ABTB3: variants seen among roughly 807,000 people sequenced by gnomAD.
ABTB3 encodes ankyrin repeat- and BTB/POZ domain-containing protein 3.
the ABTB3 span, among the ~76,000 whole-genome samples, chr12:107,463,165 G>C: frequency 1.3e-5 from 2 of 151,142 alleles, no homozygotes; most frequent in African/African-American, 2.4e-5. Flanking sequence ...CAATGATGAG[G>C]GTGGTGGTGG....
the ABTB3 span, among the ~76,000 whole-genome samples, chr12:107,570,089 C>T: frequency 6.6e-6 from 1 of 152,350 alleles, no homozygotes; most frequent in East Asian, 1.9e-4. Flanking sequence ...ATATAATCTT[C>T]ATGCTGGATG....
the ABTB3 span, among the ~76,000 whole-genome samples, chr12:107,481,454 C>T: frequency 2.0e-5 from 3 of 152,136 alleles, no homozygotes; most frequent in African/African-American, 7.2e-5. Context: ...GAATTTAGGA[C>T]TTGGGTCACT....
chr12:107,481,883 G>GTCTCTCTCTCTCTCTCTCTCTCTC, the ABTB3 span, among the ~76,000 whole-genome samples: 63 of 108,312 alleles, frequency 5.8e-4, no homozygotes, highest in South Asian at 1.6e-3. Context: ...GAAATCAAGA[G>GTCTCTCTCTCTCTCTCTCTCTCTC]TCTCTCTCTC....
chr12:107,569,826 C>G, the ABTB3 span, among the ~76,000 whole-genome samples: 5 of 152,230 alleles, frequency 3.3e-5, no homozygotes, highest in Non-Finnish European at 5.9e-5. Flanking sequence ...GGTTTGGCCA[C>G]TTAAGCAACG....
chr12:107,367,969 C>T, the ABTB3 span, among the ~76,000 whole-genome samples: 1 of 152,170 alleles, frequency 6.6e-6, no homozygotes, highest in African/African-American at 2.4e-5. Context: ...AACGATATTG[C>T]ACAAAGGAGC....
chr12:107,464,709 G>T, the ABTB3 span, among the ~76,000 whole-genome samples: 2 of 152,174 alleles, frequency 1.3e-5, no homozygotes, highest in Non-Finnish European at 1.5e-5. Context: ...CAGGTGCTAA[G>T]ACCCTGAGGT....
chr12:107,370,635 G>A, the ABTB3 span, among the ~76,000 whole-genome samples: 10 of 152,126 alleles, frequency 6.6e-5, no homozygotes, highest in Non-Finnish European at 1.0e-4. Context: ...TGTTGCAGCC[G>A]TGCTCTGGAC....
chr12:107,344,398 C>T, the ABTB3 span, among the ~76,000 whole-genome samples: 2 of 152,196 alleles, frequency 1.3e-5, no homozygotes, highest in Non-Finnish European at 2.9e-5. Flanking sequence ...GGGTTGCCAA[C>T]CAATAGTACT....
At chr12:107,516,393 G>T in the ABTB3 span, among the ~76,000 whole-genome samples, 1 of 151,922 alleles carries the variant, frequency 6.6e-6, no homozygotes, top group Non-Finnish European at 1.5e-5. Context: ...ACCACAGCCA[G>T]CTAATTTTTT....
At chr12:107,617,505 AC>A in the ABTB3 span, 3 of 1,570,268 alleles carry the variant, frequency 1.9e-6, no homozygotes, top group Non-Finnish European at 1.7e-6. Context: ...TCCCAGGCCT[AC>A]CCCAGACCCA....
At chr12:107,372,537 A>C in the ABTB3 span, among the ~76,000 whole-genome samples, 1 of 152,314 alleles carries the variant, frequency 6.6e-6, no homozygotes, top group Non-Finnish European at 1.5e-5. Context: ...AAGGGGGGCC[A>C]TAAGGTGTCC....
the ABTB3 span, among the ~76,000 whole-genome samples, chr12:107,549,571 T>C: frequency 1.3e-5 from 2 of 152,234 alleles, no homozygotes; most frequent in African/African-American, 4.8e-5. Flanking sequence ...TCATGACTGC[T>C]TAAAGCAGGA....
the ABTB3 span, among the ~76,000 whole-genome samples, chr12:107,653,580 C>T: frequency 6.6e-6 from 1 of 151,456 alleles, no homozygotes; most frequent in South Asian, 2.1e-4. Context: ...ACTTGCTTGT[C>T]TTAAGACAGC....
chr12:107,609,045 C>T, the ABTB3 span, among the ~76,000 whole-genome samples: 8 of 151,932 alleles, frequency 5.3e-5, no homozygotes, highest in South Asian at 2.1e-4. Flanking sequence ...ATCTCCCCCA[C>T]GAAGGCTTGC....
chr12:107,534,489 A>G, the ABTB3 span, among the ~76,000 whole-genome samples: 1 of 152,178 alleles, frequency 6.6e-6, no homozygotes, highest in Non-Finnish European at 1.5e-5. Context: ...AAAACAATAC[A>G]AAGGATCAAT....
chr12:107,452,611 G>C, the ABTB3 span, among the ~76,000 whole-genome samples: 2 of 152,116 alleles, frequency 1.3e-5, no homozygotes, highest in Non-Finnish European at 2.9e-5. Context: ...GGGCCAAGGG[G>C]GGTGGATCAC....
At chr12:107,387,511 G>A in the ABTB3 span, among the ~76,000 whole-genome samples, 1 of 152,204 alleles carries the variant, frequency 6.6e-6, no homozygotes, top group African/African-American at 2.4e-5. Flanking sequence ...GTAGATGACT[G>A]TTCAGTGGGG....
chr12:107,440,575 A>G, the ABTB3 span, among the ~76,000 whole-genome samples: 1 of 151,746 alleles, frequency 6.6e-6, no homozygotes, highest in Non-Finnish European at 1.5e-5. Context: ...TTGTTTGTTC[A>G]CGCGTTTTGA....
At chr12:107,486,084 T>A in the ABTB3 span, among the ~76,000 whole-genome samples, 29 of 152,118 alleles carry the variant, frequency 1.9e-4, no homozygotes, top group Admixed American at 1.9e-3. Flanking sequence ...TGAAATTTGG[T>A]CCCCAGTGTG....
Sources: allele counts gnomAD v4.1 joint callset (sites outside exome capture counted in the v4.1 genomes callset), GRCh38; gene constraint gnomAD v4.1.1; transcripts MANE v1.5; gene names NCBI Gene and HGNC (gene_info 2026-07-23, HGNC 2026-07-21).